The following THOC2 variants were observed in gnomAD, a reference collection of about 807,000 sequenced individuals.
THOC2 encodes the protein THO complex subunit 2, also known as THO complex 2.
Under a neutral mutation model 128.4 loss-of-function variants are expected in THOC2, and 10 were observed. The observed-to-expected ratio is 0.08, with a 90% CI of 0.05 to 0.13. THOC2 has a LOEUF of 0.13. Among genes scored for constraint, THOC2 ranks in the 10% least tolerant of loss-of-function variants. The probability of loss-of-function intolerance (pLI) is 1.00; values close to 1 mark genes in which losing one functional copy is unlikely to be tolerated. For missense variants in THOC2, 535 were observed against 1,155.7 expected, an observed-to-expected ratio of 0.46 and a Z score of 7.79; for synonymous variants, 393 against 396.9, an observed-to-expected ratio of 0.99 and a Z score of 0.12.
intron 12 of THOC2, 127 bp from the exon 13 acceptor site, chrX:123,645,502 T>C (rs1369026809): frequency 7.7e-6 from 3 of 390,152 alleles, no homozygotes; most frequent in Admixed American, 5.4e-5. Context: ...TTTACAAATA[T>C]GTAGATTTTA....
chrX:123,608,338 T>C (rs1380088726), intron 38 of THOC2, among the ~76,000 whole-genome samples: 4 of 108,692 alleles, frequency 3.7e-5, no homozygotes, highest in African/African-American at 1.3e-4. Context: ...GAGGTAGAGA[T>C]TGCAGTGAAC....
At chrX:123,632,489 C>CATAAA (rs2047521590) in intron 21 of THOC2, among the ~76,000 whole-genome samples, 1 of 35,161 alleles carries the variant, frequency 2.8e-5, no homozygotes, top group Non-Finnish European at 5.0e-5. Context: ...GGCTTTGTCT[C>CATAAA]AAAAAAAAAA....
rs774934009 is a variant in THOC2 at position 123,682,000 on chromosome X, G to A, written c.768+4548C>T. 5.0e-4 allele frequency among the ~76,000 whole-genome samples: 56 copies of A among 111,506 alleles called. 1 individual carries two copies. Among genetic ancestry groups the A allele is most frequent in the African/African-American group, 1.7e-3 (53 of 30,657 alleles). On this transcript the variant is annotated intron_variant, in intron 8 of 38. Coordinates refer to ENST00000245838, the MANE Select transcript of THOC2 (RefSeq NM_001081550.2). ...CTTAAACCCAGGAGGCAGAGGTTGC[G>A]ATGAGCCGAGATTGCGCCATGCGCT...
chrX:123,662,372 G>GTCAGGAGA (rs1210562930), intron 12 of THOC2, among the ~76,000 whole-genome samples: 1 of 110,187 alleles, frequency 9.1e-6, no homozygotes, highest in Non-Finnish European at 1.9e-5. Flanking sequence ...AGATCACGAG[G>GTCAGGAGA]TCAGGAGATC....
chrX:123,653,949 T>C (rs1603274459), intron 12 of THOC2, among the ~76,000 whole-genome samples: 1 of 111,707 alleles, frequency 9.0e-6, no homozygotes, highest in Non-Finnish European at 1.9e-5. Flanking sequence ...TAAAGACACA[T>C]GCACACGTAT....
chrX:123,667,340 T>C (rs1338434146), intron 10 of THOC2, 62 bp from the exon 11 acceptor site: 8 of 881,045 alleles, frequency 9.1e-6, no homozygotes, highest in Non-Finnish European at 1.3e-5. Context: ...TCTTAATACT[T>C]TGTCACTTAA....
intron 5 of THOC2, among the ~76,000 whole-genome samples, chrX:123,697,356 AG>A (rs1489673962): frequency 8.9e-6 from 1 of 112,462 alleles, no homozygotes; most frequent in Non-Finnish European, 1.9e-5. Flanking sequence ...ACAGTTTATG[AG>A]GAAAAAAATC....
intron 7 of THOC2, among the ~76,000 whole-genome samples, chrX:123,693,865 G>A (rs752502676): frequency 6.3e-5 from 7 of 111,440 alleles, no homozygotes; most frequent in Non-Finnish European, 1.3e-4. Flanking sequence ...CTGCTACTTG[G>A]TGGGTTAAAA....
chrX:123,707,244 TTC>T (rs2050970979), intron 2 of THOC2, among the ~76,000 whole-genome samples: 2 of 111,443 alleles, frequency 1.8e-5, no homozygotes, highest in South Asian at 7.5e-4. Context: ...TCATATAGCA[TTC>T]TGATTCCCCC....
At chrX:123,639,051 G>T in intron 16 of THOC2, 24 bp from the exon 17 acceptor site, 2 of 910,475 alleles carry the variant, frequency 2.2e-6, no homozygotes, top group Non-Finnish European at 3.1e-6. Context: ...ACAAACAATA[G>T]AAGGCATTAA....
chrX:123,661,552 G>T (rs1163012419), intron 12 of THOC2, among the ~76,000 whole-genome samples: 1 of 111,211 alleles, frequency 9.0e-6, no homozygotes, highest in Non-Finnish European at 1.9e-5. Flanking sequence ...TATGCAGTTA[G>T]ATCGATGGAA....
At chrX:123,705,260 T>C (rs2050880162) in intron 3 of THOC2, among the ~76,000 whole-genome samples, 1 of 111,718 alleles carries the variant, frequency 9.0e-6, no homozygotes, top group Admixed American at 9.6e-5. Flanking sequence ...CACACATATA[T>C]AAAATTCACT....
rs2050980997 is a variant in THOC2 at position 123,707,451 on chromosome X, T to TAG, written c.131-504_131-503dup. 6.3e-5 allele frequency among the ~76,000 whole-genome samples: 7 copies of TAG among 111,891 alleles called. No individual in the cohort carries two copies. In the South Asian group the frequency reaches 2.2e-3, roughly 36 times the overall value. On this transcript the variant is annotated intron_variant, in intron 2 of 38. Coordinates refer to ENST00000245838, the MANE Select transcript of THOC2 (RefSeq NM_001081550.2). ...ATACTACCGAGTTTTAACCATACCC[T>TAG]AGTGTGAGAGAAATTTCTCCCCAAA...
Position 123,621,423 on chromosome X carries a change from G to A in THOC2, c.3950C>T (p.Thr1317Ile). 8.3e-7 allele frequency: 1 copy of A among 1,208,953 alleles called. No individual in the cohort carries two copies. Among genetic ancestry groups the A allele is most frequent in the Non-Finnish European group, 1.1e-6 (1 of 894,554 alleles). The change falls in exon 31 of 39, where the codon ACC (threonine) becomes ATC (isoleucine). Residue 1317 changes from threonine (T) to isoleucine (I), a missense_variant. Physicochemically the swap from Thr to Ile is moderately conservative, Grantham distance 89 (BLOSUM62 -1). Transcript: ENST00000245838. Reference protein sequence around the residue: ...RPNKDEKARETKERTPKSDKE... With the variant: ...RPNKDEKAREIKERTPKSDKE... ...GTCAGACTTCGGCGTTCTTTCCTTG[G>A]TCTCTCTTGCTTTTTCATCTTTATT...
chrX:123,682,686 A>G (rs1345585099), intron 8 of THOC2, among the ~76,000 whole-genome samples: 1 of 112,040 alleles, frequency 8.9e-6, no homozygotes, highest in Non-Finnish European at 1.9e-5. Context: ...GTTTTCTAAC[A>G]TATAATTTAC....
At chrX:123,639,605 T>C (rs1427326483) in intron 16 of THOC2, among the ~76,000 whole-genome samples, 1 of 111,154 alleles carries the variant, frequency 9.0e-6, no homozygotes, top group Non-Finnish European at 1.9e-5. Context: ...ATCCTGAAAC[T>C]TTACTATGGG....
At chrX:123,622,729 A>G in intron 30 of THOC2, 29 bp downstream of exon 30, 1 of 986,576 alleles carries the variant, frequency 1.0e-6, no homozygotes, top group Non-Finnish European at 1.4e-6. Context: ...AAGAATTTAG[A>G]ATTATGACAC....
chrX:123,677,110 C>G (rs751851560), intron 8 of THOC2, among the ~76,000 whole-genome samples: 4 of 111,796 alleles, frequency 3.6e-5, no homozygotes, highest in African/African-American at 9.7e-5. Context: ...CAAACCTGTA[C>G]AGCAAGTTAC....
intron 7 of THOC2, among the ~76,000 whole-genome samples, chrX:123,687,396 T>C (rs946289253): frequency 1.8e-5 from 2 of 111,848 alleles, no homozygotes; most frequent in Non-Finnish European, 3.8e-5. Context: ...AATGAGATTC[T>C]AGTATTTTAA....
Sources: gnomAD v4.1 joint callset for allele counts (sites outside exome capture counted in the v4.1 genomes callset) on GRCh38, gnomAD v4.1.1 for gene constraint, MANE v1.5 for transcripts, NCBI Gene and HGNC (gene_info 2026-07-23, HGNC 2026-07-21) for gene names.